Variants in CREB5 observed in about 807,000 individuals in gnomAD.
CREB5 encodes cAMP responsive element binding protein 5, also known as cyclic AMP-responsive element-binding protein 5.
CREB5 carries 19 observed loss-of-function variants against 57.1 expected under a neutral mutation model. That is an observed-to-expected ratio of 0.33 (90% CI 0.23 to 0.49). The LOEUF is 0.49. Among genes scored for constraint, CREB5 ranks in the 20% least tolerant of loss-of-function variants. The pLI is 0.99. For synonymous variants in CREB5, 238 were observed against 238.3 expected, an observed-to-expected ratio of 1.00 and a Z score of 0.01; for missense variants, 579 against 671.6, an observed-to-expected ratio of 0.86 and a Z score of 1.52.
At chr7:28,648,022 A>T (rs1414567066) in intron 5 of CREB5, among the ~76,000 whole-genome samples, 2 of 152,254 alleles carry the variant, frequency 1.3e-5, no homozygotes, top group Admixed American at 1.3e-4. Context: ...GACACAGCAG[A>T]TCTAGATGAA....
intron 1 of CREB5, among the ~76,000 whole-genome samples, chr7:28,447,487 A>G (rs889173616): frequency 5.3e-5 from 8 of 152,288 alleles, no homozygotes; most frequent in African/African-American, 1.9e-4. Context: ...TAGTGTGTTC[A>G]TGTAGTCATT....
chr7:28,594,303 T>G (rs561992356), intron 5 of CREB5, among the ~76,000 whole-genome samples: 1 of 152,244 alleles, frequency 6.6e-6, no homozygotes, highest in African/African-American at 2.4e-5. Context: ...TGTTCTGTTA[T>G]TGAGAGGGAG....
chr7:28,520,766 A>G (rs536416836), intron 4 of CREB5, among the ~76,000 whole-genome samples: 13 of 152,226 alleles, frequency 8.5e-5, no homozygotes, highest in African/African-American at 3.1e-4. Context: ...GCCGTGTTGT[A>G]AATGGAGCAC....
chr7:28,725,586 G>A (rs1226570607), intron 7 of CREB5, among the ~76,000 whole-genome samples: 1 of 142,752 alleles, frequency 7.0e-6, no homozygotes, highest in Non-Finnish European at 1.5e-5. Flanking sequence ...CTTGCTGGCA[G>A]AATAAAGTTC....
intron 5 of CREB5, among the ~76,000 whole-genome samples, chr7:28,708,907 T>C (rs754004468): frequency 6.6e-6 from 1 of 152,208 alleles, no homozygotes; most frequent in Non-Finnish European, 1.5e-5. Flanking sequence ...TTATGGTGAA[T>C]GAATGCAAGC....
intron 5 of CREB5, among the ~76,000 whole-genome samples, chr7:28,699,216 T>G (rs1194948141): frequency 6.6e-6 from 1 of 151,922 alleles, no homozygotes; most frequent in Non-Finnish European, 1.5e-5. Flanking sequence ...GCGTATTCAG[T>G]GACTGCCAAT....
chr7:28,391,538 A>G (rs1490276573), intron 1 of CREB5, among the ~76,000 whole-genome samples: 1 of 152,252 alleles, frequency 6.6e-6, no homozygotes, highest in Non-Finnish European at 1.5e-5. Flanking sequence ...GCAACTGGCC[A>G]TTGAAGAATT....
Position 28,437,036 on chromosome 7 carries a change from T to C in CREB5, c.3+24119T>C, listed in dbSNP as rs183572855. On this transcript the variant is annotated intron_variant, in intron 1 of 10. Coordinates refer to ENST00000357727, the MANE Select transcript of CREB5 (RefSeq NM_182898.4). ...TCTTTGGTTTGGTGCAATTCAGTCATGATTTTGTCTCCACTTTGACTGCAT... is the reference window on the plus strand; with the variant it reads ...TCTTTGGTTTGGTGCAATTCAGTCACGATTTTGTCTCCACTTTGACTGCAT... Among the ~76,000 whole-genome samples, 44 of 152,276 alleles carry C rather than the reference T, an allele frequency of 2.9e-4. No homozygotes were observed. In the East Asian group the frequency reaches 7.0e-3, roughly 24 times the overall value.
intron 7 of CREB5, among the ~76,000 whole-genome samples, chr7:28,801,310 T>C (rs1414464355): frequency 2.0e-5 from 3 of 152,236 alleles, no homozygotes; most frequent in Admixed American, 1.3e-4. Flanking sequence ...ATAAAAAGTA[T>C]ACTTTTATAG....
chr7:28,318,656 GAA>G (rs1562654575), intron 1 of CREB5, among the ~76,000 whole-genome samples: 1 of 152,180 alleles, frequency 6.6e-6, no homozygotes, highest in Non-Finnish European at 1.5e-5. Context: ...TGTTCAGGCT[GAA>G]AGAGACTGAG....
chr7:28,389,632 C>CTTT (rs111405837), intron 1 of CREB5, among the ~76,000 whole-genome samples: 3 of 146,652 alleles, frequency 2.0e-5, no homozygotes, highest in Admixed American at 6.8e-5. Flanking sequence ...CTATACTAAA[C>CTTT]TTTTTTTTTT....
intron 4 of CREB5, among the ~76,000 whole-genome samples, chr7:28,540,017 T>A (rs1280557503): frequency 6.6e-6 from 1 of 152,236 alleles, no homozygotes; most frequent in Non-Finnish European, 1.5e-5. Context: ...TCAGGGAAAT[T>A]TGACATCAAG....
intron 7 of CREB5, among the ~76,000 whole-genome samples, chr7:28,769,744 A>T (rs1806222045): frequency 6.6e-6 from 1 of 152,230 alleles, no homozygotes; most frequent in African/African-American, 2.4e-5. Context: ...CATGGCTAAA[A>T]TGAAGACAGC....
chr7:28,675,169 C>G (rs191803944), intron 5 of CREB5, among the ~76,000 whole-genome samples: 1 of 152,358 alleles, frequency 6.6e-6, no homozygotes, highest in Admixed American at 6.5e-5. Flanking sequence ...AATGCTCCCT[C>G]TCATCACCAT....
At chr7:28,790,428 A>AAGAAAGAG (rs1807597857) in intron 7 of CREB5, among the ~76,000 whole-genome samples, 3 of 115,802 alleles carry the variant, frequency 2.6e-5, no homozygotes, top group Non-Finnish European at 5.5e-5. Context: ...GAAAGAAAGA[A>AAGAAAGAG]AGAGAGAGAG....
intron 4 of CREB5, among the ~76,000 whole-genome samples, chr7:28,569,712 G>A (rs148981607): frequency 7.2e-5 from 11 of 152,284 alleles, no homozygotes; most frequent in African/African-American, 2.4e-4. Context: ...TTATTGTTCT[G>A]TGTTTCCATT....
chr7:28,346,343 C>T (rs948915822), intron 1 of CREB5, among the ~76,000 whole-genome samples: 25 of 152,186 alleles, frequency 1.6e-4, no homozygotes, highest in Non-Finnish European at 3.1e-4. Context: ...GTAGCTGGTG[C>T]CTTCTTACTG....
chr7:28,322,112 T>A (rs1785504734), intron 1 of CREB5, among the ~76,000 whole-genome samples: 1 of 152,176 alleles, frequency 6.6e-6, no homozygotes, highest in Non-Finnish European at 1.5e-5. Context: ...AAGTAGCTTT[T>A]AAAAAGACCT....
At chr7:28,758,764 G>A (rs965470081) in intron 7 of CREB5, among the ~76,000 whole-genome samples, 4 of 152,240 alleles carry the variant, frequency 2.6e-5, no homozygotes, top group African/African-American at 9.6e-5. Flanking sequence ...AGAACCCAAA[G>A]TCGAGCACAA....
Sources: gnomAD v4.1 joint callset for allele counts (sites outside exome capture counted in the v4.1 genomes callset) on GRCh38, gnomAD v4.1.1 for gene constraint, MANE v1.5 for transcripts, NCBI Gene and HGNC (gene_info 2026-07-23, HGNC 2026-07-21) for gene names.